The following DPH6 variants were observed in gnomAD, a reference collection of about 807,000 sequenced individuals.
DPH6 encodes diphthamine biosynthesis 6.
Under a neutral mutation model 38.2 loss-of-function variants are expected in DPH6, and 33 were observed. The ratio of observed to expected loss-of-function variants is 0.86; its 90% confidence interval spans 0.65 to 1.15. The LOEUF is 1.15. Among genes scored for constraint, DPH6 ranks in the 50% most tolerant of loss-of-function variants. The pLI is 0.00. For synonymous variants in DPH6, 108 were observed against 103.0 expected, an observed-to-expected ratio of 1.05 and a Z score of -0.30; for missense variants, 325 against 320.0, an observed-to-expected ratio of 1.02 and a Z score of -0.12.
At chr15:35,434,694 A>T (rs1417501204) in intron 5 of DPH6, among the ~76,000 whole-genome samples, 1 of 152,218 alleles carries the variant, frequency 6.6e-6, no homozygotes, top group African/African-American at 2.4e-5. Context: ...ATTAACATCA[A>T]AACAAAATTC....
intron 3 of DPH6, among the ~76,000 whole-genome samples, chr15:35,268,951 C>T (rs1480179069): frequency 1.3e-5 from 2 of 151,924 alleles, no homozygotes; most frequent in Non-Finnish European, 2.9e-5. Flanking sequence ...TAAAATAATG[C>T]CAAGATGAAT....
At chr15:35,518,968 G>A (rs2054884301) in intron 3 of DPH6, 1 of 151,882 alleles carries the variant, frequency 6.6e-6, no homozygotes, top group Non-Finnish European at 1.5e-5. Flanking sequence ...ATATTACATA[G>A]TGAATACATG....
intron 3 of DPH6, among the ~76,000 whole-genome samples, chr15:35,342,378 C>G (rs573534346): frequency 6.6e-5 from 10 of 152,310 alleles, no homozygotes; most frequent in African/African-American, 2.4e-4. Context: ...CTAGGCAGGG[C>G]CACACAATCA....
intron 3 of DPH6, among the ~76,000 whole-genome samples, chr15:35,242,073 C>T (rs1248935291): frequency 2.1e-5 from 3 of 144,588 alleles, no homozygotes; most frequent in Non-Finnish European, 4.6e-5. Context: ...AGCCTCTCTT[C>T]GCTTTCACTT....
chr15:35,526,081 C>T (rs1370244703), intron 3 of DPH6, among the ~76,000 whole-genome samples: 2 of 152,068 alleles, frequency 1.3e-5, no homozygotes, highest in Non-Finnish European at 2.9e-5. Context: ...CAAGAAATGG[C>T]TATCAGGCCA....
At chr15:35,442,436 G>C (rs2053800390) in intron 5 of DPH6, among the ~76,000 whole-genome samples, 1 of 152,190 alleles carries the variant, frequency 6.6e-6, no homozygotes, top group Non-Finnish European at 1.5e-5. Context: ...GGAATGTAAA[G>C]TGGTACAGCC....
chr15:35,338,533 C>T (rs1276150721), intron 3 of DPH6, among the ~76,000 whole-genome samples: 2 of 152,082 alleles, frequency 1.3e-5, no homozygotes, highest in South Asian at 2.1e-4. Context: ...CAGGAAACAA[C>T]AGGTGCTGGA....
chr15:35,224,100 G>GTTTTTTTTTTTTTT (rs142813866), intron 3 of DPH6, among the ~76,000 whole-genome samples: 1 of 88,892 alleles, frequency 1.1e-5, no homozygotes, highest in Admixed American at 1.5e-4. Flanking sequence ...CATGATTTTA[G>GTTTTTTTTTTTTTT]TTTTTTTTTT....
At chr15:35,303,774 T>G (rs1262992795) in intron 3 of DPH6, among the ~76,000 whole-genome samples, 1 of 151,790 alleles carries the variant, frequency 6.6e-6, no homozygotes, top group Non-Finnish European at 1.5e-5. Flanking sequence ...AATGGGAATA[T>G]AGTCATCTTT....
intron 3 of DPH6, among the ~76,000 whole-genome samples, chr15:35,351,403 T>G (rs993690912): frequency 6.6e-6 from 1 of 152,216 alleles, no homozygotes; most frequent in African/African-American, 2.4e-5. Context: ...ACAGTTATAT[T>G]TAAAGTAATT....
intron 3 of DPH6, among the ~76,000 whole-genome samples, chr15:35,254,205 T>C (rs970948760): frequency 5.9e-5 from 9 of 152,182 alleles, no homozygotes; most frequent in Admixed American, 3.3e-4. Flanking sequence ...CTATTAACAA[T>C]TCAAAAGAAT....
the DPH6 span, among the ~76,000 whole-genome samples, chr15:35,185,629 C>G: frequency 1.3e-5 from 2 of 150,088 alleles, no homozygotes; most frequent in African/African-American, 4.9e-5. Flanking sequence ...AAATAAATGA[C>G]AATTTTCACA....
chr15:35,294,964 T>C (rs543662251), intron 3 of DPH6, among the ~76,000 whole-genome samples: 42 of 152,322 alleles, frequency 2.8e-4, no homozygotes, highest in African/African-American at 8.2e-4. Context: ...TGACATTGCC[T>C]TTCCTCACAG....
chr15:35,341,126 T>A (rs1410231644), intron 3 of DPH6, among the ~76,000 whole-genome samples: 3 of 152,164 alleles, frequency 2.0e-5, no homozygotes, highest in Non-Finnish European at 4.4e-5. Flanking sequence ...AGGAAGATCG[T>A]CTTCAAACTC....
chr15:35,237,829 G>T (rs2589529), intron 3 of DPH6: 1,496,385 of 1,547,488 alleles, frequency 0.97, 724,057 homozygotes, highest in East Asian at 1. Context: ...AGGGCCTGGA[G>T]GAGGAGGAGG....
chr15:35,164,691 G>A, the DPH6 span, among the ~76,000 whole-genome samples: 2 of 151,760 alleles, frequency 1.3e-5, no homozygotes, highest in African/African-American at 4.8e-5. Context: ...TATGCCTTTG[G>A]CTTAGTGGGA....
At chr15:35,266,861 T>C (rs578205942) in intron 3 of DPH6, among the ~76,000 whole-genome samples, 1 of 152,306 alleles carries the variant, frequency 6.6e-6, no homozygotes, top group South Asian at 2.1e-4. Flanking sequence ...GGTTCATGCA[T>C]TCAAGGAGTT....
chr15:35,152,482 C>T, the DPH6 span, among the ~76,000 whole-genome samples: 2 of 152,070 alleles, frequency 1.3e-5, no homozygotes, highest in African/African-American at 4.8e-5. Flanking sequence ...GATTATATTG[C>T]ATTTGTTTGT....
At chr15:35,202,420 TG>T in the DPH6 span, among the ~76,000 whole-genome samples, 1 of 151,818 alleles carries the variant, frequency 6.6e-6, no homozygotes, top group Non-Finnish European at 1.5e-5. Context: ...CTGTGTTTCC[TG>T]AAGTAACTGC....
Sources: allele counts gnomAD v4.1 joint callset (sites outside exome capture counted in the v4.1 genomes callset), GRCh38; gene constraint gnomAD v4.1.1; transcripts MANE v1.5; gene names NCBI Gene and HGNC (gene_info 2026-07-23, HGNC 2026-07-21).